RBMS1: variants seen among roughly 807,000 people sequenced by gnomAD.
RBMS1 encodes the protein RNA-binding motif, single-stranded-interacting protein 1.
RBMS1 carries 17 observed loss-of-function variants against 62.3 expected under a neutral mutation model. The ratio of observed to expected loss-of-function variants is 0.27; its 90% CI spans 0.19 to 0.41. The LOEUF is 0.41. Ranked by LOEUF, RBMS1 falls within the 10% of genes least tolerant of loss-of-function variation. RBMS1 has a pLI of 1.00. For synonymous variants in RBMS1, 172 were observed against 170.0 expected (o/e 1.01, Z -0.09); for missense variants, 334 against 504.5 (o/e 0.66, Z 3.24).
At chr2:160,422,025 G>A (rs1574037846) in intron 1 of RBMS1, among the ~76,000 whole-genome samples, 1 of 152,264 alleles carries the variant, frequency 6.6e-6, no homozygotes, top group African/African-American at 2.4e-5. Context: ...GAACTACTGT[G>A]TCAAAAAGAC....
chr2:160,340,079 A>G (rs1691790895), intron 2 of RBMS1, among the ~76,000 whole-genome samples: 1 of 152,148 alleles, frequency 6.6e-6, no homozygotes, highest in Admixed American at 6.5e-5. Context: ...CACCAATGGT[A>G]TTACTTTTTG....
intron 2 of RBMS1, among the ~76,000 whole-genome samples, chr2:160,346,250 G>C (rs184273380): frequency 6.6e-6 from 1 of 152,142 alleles, no homozygotes; most frequent in Non-Finnish European, 1.5e-5. Flanking sequence ...GAATATGCCA[G>C]TCCAGAAGTG....
At chr2:160,364,837 A>C (rs1483709978) in intron 2 of RBMS1, among the ~76,000 whole-genome samples, 1 of 152,190 alleles carries the variant, frequency 6.6e-6, no homozygotes, top group Non-Finnish European at 1.5e-5. Flanking sequence ...CCCCCTGCAG[A>C]GCCAAATCAT....
intron 2 of RBMS1, among the ~76,000 whole-genome samples, chr2:160,359,990 G>A (rs921946256): frequency 6.6e-6 from 1 of 152,142 alleles, no homozygotes; most frequent in Admixed American, 6.6e-5. Flanking sequence ...GGGAGGCTGA[G>A]GCAGGAGAAT....
intron 1 of RBMS1, among the ~76,000 whole-genome samples, chr2:160,406,224 G>T (rs747149464): frequency 6.6e-6 from 1 of 152,164 alleles, no homozygotes; most frequent in East Asian, 1.9e-4. Flanking sequence ...ACATAGAAAA[G>T]AACCAAAGAC....
intron 2 of RBMS1, among the ~76,000 whole-genome samples, chr2:160,350,726 G>T (rs1692444778): frequency 6.6e-6 from 1 of 152,116 alleles, no homozygotes; most frequent in Non-Finnish European, 1.5e-5. Context: ...GTGTATATGT[G>T]CCACATTTTC....
chr2:160,453,296 A>C (rs1684072521), intron 1 of RBMS1, among the ~76,000 whole-genome samples: 1 of 152,116 alleles, frequency 6.6e-6, no homozygotes, highest in African/African-American at 2.4e-5. Flanking sequence ...GTAAAAAAGA[A>C]ATAAACTAGA....
intron 12 of RBMS1, 110 bp from the exon 13 acceptor site, chr2:160,275,824 G>A: frequency 2.7e-6 from 4 of 1,470,224 alleles, no homozygotes; most frequent in Non-Finnish European, 3.7e-6. Context: ...ACTCTTTAAA[G>A]TAAATTTCTT....
chr2:160,310,821 T>C (rs1689811297), intron 4 of RBMS1, among the ~76,000 whole-genome samples: 1 of 152,046 alleles, frequency 6.6e-6, no homozygotes, highest in Non-Finnish European at 1.5e-5. Flanking sequence ...AATAAACATA[T>C]TTAAAACCTC....
rs961247022 is a variant in RBMS1 at position 160,320,201 on chromosome 2, C to T, written c.252-1974G>A. On this transcript the variant is annotated intron_variant, in intron 2 of 13. Transcript: ENST00000348849. ...TATGATTCCCAGCTGAGCATGGTGG[C>T]TCATGCCTGTAATACCAGCACTTTG... 2.0e-5 allele frequency among the ~76,000 whole-genome samples: 3 copies of T among 152,236 alleles called. No individual in the cohort carries two copies. In the East Asian group the frequency reaches 5.8e-4, roughly 29 times the overall value.
intron 4 of RBMS1, among the ~76,000 whole-genome samples, chr2:160,304,583 T>C (rs1689397325): frequency 6.6e-6 from 1 of 152,186 alleles, no homozygotes; most frequent in Non-Finnish European, 1.5e-5. Context: ...TCCTATCACC[T>C]GGTAATGTCT....
intron 2 of RBMS1, among the ~76,000 whole-genome samples, chr2:160,321,888 A>G (rs1042149997): frequency 6.6e-6 from 1 of 152,070 alleles, no homozygotes; most frequent in Non-Finnish European, 1.5e-5. Flanking sequence ...CAGCTTTTCA[A>G]CCCTGTCTGT....
At chr2:160,404,972 A>T (rs548041136) in intron 1 of RBMS1, among the ~76,000 whole-genome samples, 1 of 152,310 alleles carries the variant, frequency 6.6e-6, no homozygotes, top group Non-Finnish European at 1.5e-5. Context: ...TCAGGGTTCA[A>T]ATCCTGGCTC....
intron 2 of RBMS1, among the ~76,000 whole-genome samples, chr2:160,365,639 A>G (rs1339511131): frequency 1.3e-5 from 2 of 152,226 alleles, no homozygotes; most frequent in African/African-American, 2.4e-5. Context: ...CTCACCCTAC[A>G]TAATTCAACA....
chr2:160,357,164 A>T (rs959789512), intron 2 of RBMS1, among the ~76,000 whole-genome samples: 6 of 152,154 alleles, frequency 3.9e-5, no homozygotes, highest in African/African-American at 1.4e-4. Flanking sequence ...CATATAAAGG[A>T]ACAAGGAAAG....
At chr2:160,373,037 T>C (rs1477920865) in intron 1 of RBMS1, among the ~76,000 whole-genome samples, 1 of 152,186 alleles carries the variant, frequency 6.6e-6, no homozygotes, top group East Asian at 1.9e-4. Flanking sequence ...AATTAGTTAA[T>C]GAAACTGGTT....
chr2:160,362,304 G>A (rs1400150102), intron 2 of RBMS1, among the ~76,000 whole-genome samples: 2 of 152,186 alleles, frequency 1.3e-5, no homozygotes, highest in African/African-American at 4.8e-5. Context: ...GGGCTGTTTG[G>A]TGCAAGAGAC....
intron 1 of RBMS1, among the ~76,000 whole-genome samples, chr2:160,389,730 G>GAAAAAAAA (rs1694761717): frequency 1.0e-5 from 1 of 95,964 alleles, no homozygotes. Context: ...AAAAAAAAAG[G>GAAAAAAAA]CAAAAAACCC....
At chr2:160,463,700 G>A (rs796660320) in intron 1 of RBMS1, among the ~76,000 whole-genome samples, 11 of 152,234 alleles carry the variant, frequency 7.2e-5, no homozygotes, top group African/African-American at 2.6e-4. Context: ...CAGGAGAATC[G>A]CTTGAACCCA....
Sources: allele counts gnomAD v4.1 joint callset (sites outside exome capture counted in the v4.1 genomes callset), GRCh38; gene constraint gnomAD v4.1.1; transcripts MANE v1.5; gene names NCBI Gene and HGNC (gene_info 2026-07-23, HGNC 2026-07-21).